The following CGNL1 variants were observed in gnomAD, a reference collection of about 807,000 sequenced individuals.
CGNL1 encodes the protein cingulin like 1.
A neutral mutation model predicts 141.2 loss-of-function variants in CGNL1; 132 were observed. The ratio of observed to expected loss-of-function variants is 0.93; its 90% confidence interval spans 0.81 to 1.08. The LOEUF (loss-of-function observed/expected upper bound fraction) is 1.08, where lower values mean the gene tolerates loss of function less well. CGNL1 is among the 50% of genes least tolerant of loss of function. The pLI is 0.00. For synonymous variants in CGNL1, 690 were observed against 622.1 expected (o/e 1.11, Z -1.63); for missense variants, 1,870 against 1,588.6 (o/e 1.18, Z -3.01).
intron 8 of CGNL1, among the ~76,000 whole-genome samples, chr15:57,484,278 C>G (rs1251598900): frequency 6.6e-6 from 1 of 152,034 alleles, no homozygotes; most frequent in Non-Finnish European, 1.5e-5. Flanking sequence ...ATTCAGTTTC[C>G]TTAATAGTTA....
rs1304520110 is a variant in CGNL1, at chr15:57,485,637, AT to A, written c.2403+23751del. ...CCCATTCAAATTGTAATTGTGTGGA[AT>A]TTTTTATTTTGTAGTTGCTTTAGTA... On this transcript the variant is annotated intron_variant, in intron 8 of 18. Transcript: ENST00000281282. 3.2e-4 allele frequency among the ~76,000 whole-genome samples: 48 copies of A among 152,296 alleles called. 1 individual carries two copies. In the South Asian group the frequency reaches 5.4e-3, roughly 17 times the overall value.
chr15:57,514,173 A>C (rs1264208124), intron 8 of CGNL1, among the ~76,000 whole-genome samples: 1 of 151,836 alleles, frequency 6.6e-6, no homozygotes, highest in East Asian at 1.9e-4. Flanking sequence ...ATTTTTTGAG[A>C]TGGAGTCTTG....
chr15:57,447,805 C>CAT (rs373278096), intron 4 of CGNL1, among the ~76,000 whole-genome samples: 7 of 144,358 alleles, frequency 4.8e-5, no homozygotes, highest in South Asian at 4.6e-4. Context: ...TCTCTCTTTT[C>CAT]GTGTGTGTGT....
At chr15:57,476,258 G>A (rs1014979883) in intron 8 of CGNL1, among the ~76,000 whole-genome samples, 8 of 152,232 alleles carry the variant, frequency 5.3e-5, no homozygotes, top group Non-Finnish European at 1.0e-4. Flanking sequence ...GGTGAGTCTT[G>A]GGGGCAGTGG....
At chr15:57,446,665 C>CT (rs11327140) in intron 4 of CGNL1, among the ~76,000 whole-genome samples, 1,849 of 116,690 alleles carry the variant, frequency 0.016, 48 homozygotes, top group African/African-American at 0.052. Context: ...CTGAACATTA[C>CT]TTTTTTTTTT....
In CGNL1 at chr15:57,523,782, G is replaced by T. The variant is rs1367193061; in HGVS notation, c.2868+141G>T. On this transcript the variant is annotated intron_variant, in intron 11 of 18. Coordinates refer to ENST00000281282, the MANE Select transcript of CGNL1 (RefSeq NM_032866.5). ...GTCAGGGATTTGCAGATCCCAAGAG[G>T]CAGCTCTTTGGATTTGTTGAAAAGA... 8.5e-6 allele frequency: 7 copies of T among 821,440 alleles called. No individual in the cohort carries two copies. The African/African-American group carries it at 1.0e-4, about 12-fold the overall frequency. The allele number at this position is 821,440 out of a possible 1,614,324, so 50.9% of individuals were successfully genotyped here. A position where few individuals can be genotyped will look rare whatever the true frequency, so the allele number is the denominator to read the frequency against.
intron 13 of CGNL1, 117 bp from the exon 14 acceptor site, chr15:57,531,573 A>T (rs2031953172): frequency 1.5e-6 from 1 of 680,784 alleles, no homozygotes. Flanking sequence ...GTTTTTCCAA[A>T]CTCTAATGGT....
intron 1 of CGNL1, among the ~76,000 whole-genome samples, chr15:57,412,848 C>A (rs983176299): frequency 1.3e-5 from 2 of 152,144 alleles, no homozygotes; most frequent in Non-Finnish European, 2.9e-5. Flanking sequence ...AGTGCCATCT[C>A]TTAGTATCTC....
rs748385811 is a variant in CGNL1, at chr15:57,543,699, G to A, written c.3295G>A (p.Glu1099Lys). Residue 1099 changes from glutamate (E) to lysine (K), a missense_variant, in exon 15 of 19, where the codon GAG (glutamate) becomes AAG (lysine). By Grantham distance (56) the Glu-to-Lys change is moderately conservative. Coordinates refer to ENST00000281282, the MANE Select transcript of CGNL1 (RefSeq NM_032866.5). ...ERISRSREQM[E>K]QLRNELLQER... ...GCTTTTGTTCTGCTTGCTGTAGATG[G>A]AGCAGTTGAGGAATGAGCTACTTCA... The A allele has an allele frequency of 6.2e-7, 1 of 1,613,286 alleles. No homozygotes were observed. Among genetic ancestry groups the A allele is most frequent in the South Asian group, 1.1e-5 (1 of 91,024 alleles).
intron 8 of CGNL1, among the ~76,000 whole-genome samples, chr15:57,474,965 G>A (rs1320418161): frequency 6.6e-6 from 1 of 152,136 alleles, no homozygotes; most frequent in Admixed American, 6.5e-5. Context: ...TTGTCACTGG[G>A]GGCCCCTGCC....
chr15:57,481,129 C>T lies in CGNL1; in HGVS notation c.2403+19237C>T, dbSNP rs563492273. Among the ~76,000 whole-genome samples the T allele has an allele frequency of 2.1e-4, 26 of 125,136 alleles. No homozygotes were observed. The East Asian group carries it at 4.8e-3, about 23-fold the overall frequency. The allele number at this position is 125,136 out of a possible 152,430, so 82.1% of individuals were successfully genotyped here. ...AAAAAAGAATTTTTAAAAAATCAAA[C>T]GTTTTGAGATAGTTATAAATTTATA... is the stretch of plus-strand genomic sequence containing the variant. On this transcript the variant is annotated intron_variant, in intron 8 of 18. Coordinates refer to ENST00000281282, the MANE Select transcript of CGNL1 (RefSeq NM_032866.5).
chr15:57,382,726 C>G (rs2062437568), intron 1 of CGNL1, among the ~76,000 whole-genome samples: 1 of 152,100 alleles, frequency 6.6e-6, no homozygotes, highest in Admixed American at 6.6e-5. Context: ...AATTTATAGT[C>G]CACATAGGGA....
At chr15:57,543,833 C>T (rs1449679896) in intron 15 of CGNL1, 54 bp downstream of exon 15, 9 of 1,347,362 alleles carry the variant, frequency 6.7e-6, no homozygotes, top group African/African-American at 1.4e-5. Flanking sequence ...AACCCTCCCC[C>T]ACTTCACTGC....
At chr15:57,426,128 C>G (rs7162593) in intron 1 of CGNL1, among the ~76,000 whole-genome samples, 148,694 of 151,986 alleles carry the variant, frequency 0.98, 72,813 homozygotes, top group Middle Eastern at 1. Context: ...TAAGAAATGG[C>G]GCTAAGAAGA....
intron 1 of CGNL1, among the ~76,000 whole-genome samples, chr15:57,406,514 A>G (rs1309796838): frequency 6.6e-6 from 1 of 152,152 alleles, no homozygotes; most frequent in Non-Finnish European, 1.5e-5. Context: ...CTAGGAGCCT[A>G]GTGAAGTAGC....
chr15:57,483,518 T>C (rs542362974), intron 8 of CGNL1, among the ~76,000 whole-genome samples: 36 of 151,868 alleles, frequency 2.4e-4, no homozygotes, highest in African/African-American at 6.5e-4. Flanking sequence ...CTTGGGATTT[T>C]TTATATAGAC....
chr15:57,472,831 G>A (rs1257119524), intron 8 of CGNL1, among the ~76,000 whole-genome samples: 2 of 152,172 alleles, frequency 1.3e-5, no homozygotes, highest in Non-Finnish European at 2.9e-5. Context: ...TGACGGAGAA[G>A]GTTTGTAGGA....
intron 1 of CGNL1, among the ~76,000 whole-genome samples, chr15:57,417,593 G>T (rs963987954): frequency 2.8e-5 from 4 of 141,370 alleles, no homozygotes; most frequent in African/African-American, 1.0e-4. Context: ...TAGTCACTCA[G>T]AATTGAAATA....
rs575541038 is a variant in CGNL1 at position 57,376,548 on chromosome 15, G to C, written c.-35G>C. The C allele has an allele frequency of 4.7e-3, 719 of 152,988 alleles. 1 individual carries two copies. Among genetic ancestry groups the C allele is most frequent in the Non-Finnish European group, 8.1e-3 (552 of 68,414 alleles). 9.5% of individuals were successfully genotyped at this position (152,988 alleles called of 1,614,324 possible). A position where few individuals can be genotyped will look rare whatever the true frequency, so the allele number is the denominator to read the frequency against. Reference sequence around the variant, plus strand: ...GCTGGCTGCGGCGGGAGCTGGACGCGGGAGGAGGCGGCGGCGGCGGTGAGT... The same window carrying C: ...GCTGGCTGCGGCGGGAGCTGGACGCCGGAGGAGGCGGCGGCGGCGGTGAGT... On this transcript the variant is annotated 5_prime_UTR_variant, in exon 1 of 19. Transcript: ENST00000281282.
Sources: allele counts gnomAD v4.1 joint callset (sites outside exome capture counted in the v4.1 genomes callset), GRCh38; gene constraint gnomAD v4.1.1; transcripts MANE v1.5; gene names NCBI Gene and HGNC (gene_info 2026-07-23, HGNC 2026-07-21).